The following EPB41L5 variants were observed in gnomAD, a reference collection of about 807,000 sequenced individuals.
The protein encoded by EPB41L5 is erythrocyte membrane protein band 4.1 like 5.
Under a neutral mutation model 106.6 loss-of-function variants are expected in EPB41L5, and 55 were observed. That is an observed-to-expected ratio of 0.52 (90% CI 0.42 to 0.65). The LOEUF (loss-of-function observed/expected upper bound fraction) is 0.65, where lower values mean the gene tolerates loss of function less well. Ranked by LOEUF, EPB41L5 falls within the 30% of genes least tolerant of loss-of-function variation. EPB41L5 has a pLI of 0.00. For missense variants in EPB41L5, 871 were observed against 882.1 expected, an observed-to-expected ratio of 0.99 and a Z score of 0.16; for synonymous variants, 297 against 306.7, an observed-to-expected ratio of 0.97 and a Z score of 0.33.
chr2:120,044,597 A>C (rs1006829354), intron 3 of EPB41L5, among the ~76,000 whole-genome samples: 5 of 150,734 alleles, frequency 3.3e-5, no homozygotes, highest in Non-Finnish European at 5.9e-5. Context: ...CTTAGTATTT[A>C]AGTAACTGTG....
chr2:120,090,021 G>A (rs1210908154), intron 11 of EPB41L5, among the ~76,000 whole-genome samples: 1 of 151,900 alleles, frequency 6.6e-6, no homozygotes, highest in Non-Finnish European at 1.5e-5. Context: ...GGCTGTTGAT[G>A]CATACTGCCA....
At chr2:120,068,245 G>A (rs529453972) in intron 3 of EPB41L5, among the ~76,000 whole-genome samples, 20 of 152,340 alleles carry the variant, frequency 1.3e-4, no homozygotes, top group Admixed American at 1.2e-3. Flanking sequence ...GGTGCATTCC[G>A]GCCCAGATAC....
intron 22 of EPB41L5, among the ~76,000 whole-genome samples, chr2:120,165,967 CAAAAAAAAAAAAA>C (rs536664071): frequency 7.1e-5 from 2 of 27,998 alleles, no homozygotes; most frequent in African/African-American, 1.2e-4. Context: ...GACTCCGTCT[CAAAAAAAAAAAAA>C]AAAAAAAAAA....
At chr2:120,014,801 G>A (rs1319766133) in intron 1 of EPB41L5, among the ~76,000 whole-genome samples, 1 of 152,042 alleles carries the variant, frequency 6.6e-6, no homozygotes, top group African/African-American at 2.4e-5. Flanking sequence ...TGACAGATGG[G>A]TCAGGCAAGT....
intron 3 of EPB41L5, among the ~76,000 whole-genome samples, chr2:120,070,027 A>AT (rs1038305752): frequency 4.6e-5 from 7 of 151,730 alleles, no homozygotes; most frequent in Admixed American, 4.6e-4. Context: ...CCAGGAGCTG[A>AT]TTTTTTGTAA....
At chr2:120,045,350 CAT>C (rs1366561274) in intron 3 of EPB41L5, among the ~76,000 whole-genome samples, 1 of 152,132 alleles carries the variant, frequency 6.6e-6, no homozygotes. Context: ...TTCATGTACA[CAT>C]ATTTAATTTC....
intron 2 of EPB41L5, among the ~76,000 whole-genome samples, chr2:120,023,864 T>A (rs1357726147): frequency 6.6e-6 from 1 of 152,212 alleles, no homozygotes; most frequent in African/African-American, 2.4e-5. Context: ...TGTTGAGCAA[T>A]GGTTTGTAGT....
chr2:120,047,730 G>C (rs1056904681), intron 3 of EPB41L5, among the ~76,000 whole-genome samples: 3 of 152,210 alleles, frequency 2.0e-5, no homozygotes, highest in Non-Finnish European at 4.4e-5. Context: ...GGGCATCCCT[G>C]TCTTGTGCCA....
intron 1 of EPB41L5, among the ~76,000 whole-genome samples, chr2:120,017,722 AATT>A (rs1295916555): frequency 1.3e-5 from 2 of 152,184 alleles, no homozygotes; most frequent in Non-Finnish European, 2.9e-5. Flanking sequence ...AGGAAATTTG[AATT>A]ATATCTGTAT....
rs1476081856 is a variant in EPB41L5, at chr2:120,127,673, C to T, written c.1338-15C>T. On this transcript the variant is annotated splice_polypyrimidine_tract_variant and intron_variant, in intron 16 of 24. Transcript: ENST00000263713. ...AAATTTCTTGGTCTAAGTAAATTTT[C>T]TATTTCCATTGCAGCATTCCTCTGA... 4 of 1,553,064 alleles carry T rather than the reference C, an allele frequency of 2.6e-6. No individual in the cohort carries two copies. In the East Asian group the frequency reaches 9.2e-5, roughly 36 times the overall value.
At chr2:120,048,244 C>T (rs1227424137) in intron 3 of EPB41L5, among the ~76,000 whole-genome samples, 7 of 152,136 alleles carry the variant, frequency 4.6e-5, no homozygotes, top group African/African-American at 9.7e-5. Context: ...GTACCAGCTC[C>T]TCTTTGTACC....
chr2:120,077,157 C>T, intron 8 of EPB41L5, 66 bp downstream of exon 8: 1 of 1,582,704 alleles, frequency 6.3e-7, no homozygotes, highest in Non-Finnish European at 8.6e-7. Flanking sequence ...TCATTTTCTT[C>T]TGTTTCTATC....
chr2:120,131,822 C>T, intron 18 of EPB41L5, 107 bp downstream of exon 18: 1 of 803,840 alleles, frequency 1.2e-6, no homozygotes, highest in Non-Finnish European at 2.1e-6. Context: ...GGAAATCTGT[C>T]TGTGCTGAGT....
chr2:120,108,303 G>A (rs1417316593), intron 16 of EPB41L5: 1 of 152,034 alleles, frequency 6.6e-6, no homozygotes, highest in Non-Finnish European at 1.5e-5. Context: ...CCTTAATGGT[G>A]TAATAATGTA....
chr2:120,148,978 C>T (rs1261603685), intron 20 of EPB41L5, among the ~76,000 whole-genome samples: 1 of 152,064 alleles, frequency 6.6e-6, no homozygotes, highest in Admixed American at 6.6e-5. Context: ...TTCATTCTTA[C>T]CAGCAATGTA....
chr2:120,163,980 C>CTTT lies in EPB41L5; in HGVS notation c.1888-838_1888-836dup, dbSNP rs70949387. Among the ~76,000 whole-genome samples, 13 of 68,136 alleles carry CTTT rather than the reference C, an allele frequency of 1.9e-4. 2 individuals are homozygous for CTTT. The highest frequency in any genetic ancestry group is 4.3e-4 in the African/African-American group (8 of 18,512). 44.7% of individuals were successfully genotyped at this position (68,136 alleles called of 152,430 possible). A position where few individuals can be genotyped will look rare whatever the true frequency, so the allele number is the denominator to read the frequency against. On this transcript the variant is annotated intron_variant, in intron 21 of 24. Coordinates refer to ENST00000263713, the MANE Select transcript of EPB41L5 (RefSeq NM_020909.4). ...ACTTTTTTTTATTTTTTTGTATTTA[C>CTTT]TTTTTTTTTTTTTTTTTTTTGAGAT...
chr2:120,135,748 G>A (rs1685896975), intron 18 of EPB41L5, among the ~76,000 whole-genome samples: 1 of 152,122 alleles, frequency 6.6e-6, no homozygotes, highest in South Asian at 2.1e-4. Flanking sequence ...ATCCATGTTT[G>A]AAGATACCCT....
At chr2:120,082,903 T>G (rs557183275) in intron 10 of EPB41L5, among the ~76,000 whole-genome samples, 1 of 152,356 alleles carries the variant, frequency 6.6e-6, no homozygotes, top group South Asian at 2.1e-4. Context: ...GAGGTGTTTA[T>G]TGTATTCTCT....
chr2:120,049,215 C>G (rs1450614034), intron 3 of EPB41L5, among the ~76,000 whole-genome samples: 1 of 152,082 alleles, frequency 6.6e-6, no homozygotes, highest in Non-Finnish European at 1.5e-5. Context: ...CCTGGATATC[C>G]TTGTTAACTT....
Sources: allele counts gnomAD v4.1 joint callset (sites outside exome capture counted in the v4.1 genomes callset), GRCh38; gene constraint gnomAD v4.1.1; transcripts MANE v1.5; gene names NCBI Gene and HGNC (gene_info 2026-07-23, HGNC 2026-07-21).